The following ERC2 variants were observed in gnomAD, a reference collection of about 807,000 sequenced individuals.
The protein encoded by ERC2 is ELKS/RAB6-interacting/CAST family member 2.
ERC2 carries 42 observed loss-of-function variants against 114.8 expected under a neutral mutation model. The observed-to-expected ratio is 0.37, with a 90% CI of 0.29 to 0.47. The LOEUF is 0.47. Among genes scored for constraint, ERC2 ranks in the 20% least tolerant of loss-of-function variants. The pLI is 0.99. For missense variants in ERC2, 939 were observed against 1,150.7 expected, an observed-to-expected ratio of 0.82 and a Z score of 2.66; for synonymous variants, 454 against 425.5, an observed-to-expected ratio of 1.07 and a Z score of -0.82.
chr3:56,018,944 T>A lies in ERC2; in HGVS notation c.1729A>T (p.Ser577Cys). 1 of 1,613,404 alleles carries A rather than the reference T, an allele frequency of 6.2e-7. No homozygotes were observed. Among genetic ancestry groups the A allele is most frequent in the Non-Finnish European group, 8.5e-7 (1 of 1,179,532 alleles). The change falls in exon 8 of 18, where the codon AGT (serine) becomes TGT (cysteine). Residue 577 changes from serine to cysteine, a missense_variant. Around this residue, in one of 5 missense-constraint regions of ERC2, gnomAD observed 149 missense variants for 254.6 expected, o/e 0.59. Transcript: ENST00000288221. Reference sequence around the variant, plus strand: ...GTCGCCAGTGCAGTATCTGTATTACTGGAATCCGTCTGCAAGGACTTCACT... The same window carrying A: ...GTCGCCAGTGCAGTATCTGTATTACAGGAATCCGTCTGCAAGGACTTCACT... ...DRVKSLQTDSSNTDTALATLE... is the reference protein window; with the variant it reads ...DRVKSLQTDSCNTDTALATLE...
intron 17 of ERC2, among the ~76,000 whole-genome samples, chr3:55,668,194 G>A (rs1198692251): frequency 1.3e-5 from 2 of 152,106 alleles, no homozygotes; most frequent in Non-Finnish European, 2.9e-5. Flanking sequence ...CTCATCTGGG[G>A]AGAGACTTTG....
At chr3:56,174,745 C>T (rs1020192627) in intron 3 of ERC2, among the ~76,000 whole-genome samples, 2 of 151,990 alleles carry the variant, frequency 1.3e-5, no homozygotes, top group Non-Finnish European at 2.9e-5. Context: ...TTTGGGAGGC[C>T]GAGGTGGGTG....
At chr3:56,071,229 C>G (rs1448596537) in intron 7 of ERC2, among the ~76,000 whole-genome samples, 1 of 152,136 alleles carries the variant, frequency 6.6e-6, no homozygotes, top group Non-Finnish European at 1.5e-5. Context: ...AACAAACAGG[C>G]CAGAGTAGGG....
At chr3:56,294,981 G>A (rs540785569) in intron 3 of ERC2, among the ~76,000 whole-genome samples, 1 of 152,146 alleles carries the variant, frequency 6.6e-6, no homozygotes, top group Non-Finnish European at 1.5e-5. Context: ...CTATGTGCTA[G>A]GCAAATATAA....
At chr3:55,946,552 T>G (rs2067138933) in intron 13 of ERC2, among the ~76,000 whole-genome samples, 1 of 152,170 alleles carries the variant, frequency 6.6e-6, no homozygotes, top group African/African-American at 2.4e-5. Context: ...AGTCCACATA[T>G]GTCAGGTACT....
intron 13 of ERC2, among the ~76,000 whole-genome samples, chr3:55,889,199 T>A (rs1191339084): frequency 6.6e-6 from 1 of 152,194 alleles, no homozygotes; most frequent in Non-Finnish European, 1.5e-5. Context: ...TGAAAGAAAG[T>A]TAATCTATGT....
chr3:56,062,227 T>C (rs34038105), intron 7 of ERC2, among the ~76,000 whole-genome samples: 2,197 of 152,324 alleles, frequency 0.014, 52 homozygotes, highest in Non-Finnish European at 0.014. Flanking sequence ...AAAGAAGTAC[T>C]ATTGCTTTAG....
At chr3:55,670,840 T>G (rs1232807517) in intron 17 of ERC2, among the ~76,000 whole-genome samples, 2 of 152,180 alleles carry the variant, frequency 1.3e-5, no homozygotes, top group African/African-American at 4.8e-5. Context: ...GGGGGGGAAT[T>G]TTTTTAAAAC....
chr3:55,790,239 T>G (rs2069884674), intron 14 of ERC2, among the ~76,000 whole-genome samples: 1 of 152,180 alleles, frequency 6.6e-6, no homozygotes, highest in Admixed American at 6.6e-5. Flanking sequence ...TTATAGTTCC[T>G]TCTGCCTAGA....
In ERC2 at chr3:56,073,825, G is replaced by A. The variant is rs184950389; in HGVS notation, c.1641+6992C>T. On this transcript the variant is annotated intron_variant, in intron 7 of 17. Transcript: ENST00000288221. ...GGGAAACTACCAACAGAGCAAACACGTCAATCCTTTAAAAATGAAGCAGTA... is the reference window on the plus strand; with the variant it reads ...GGGAAACTACCAACAGAGCAAACACATCAATCCTTTAAAAATGAAGCAGTA... Among the ~76,000 whole-genome samples, 5 of 152,228 alleles carry A rather than the reference G, an allele frequency of 3.3e-5. No individual in the cohort carries two copies. The East Asian group carries it at 7.7e-4, about 24-fold the overall frequency.
At chr3:55,891,379 G>A (rs565659631) in intron 13 of ERC2, among the ~76,000 whole-genome samples, 1 of 151,542 alleles carries the variant, frequency 6.6e-6, no homozygotes, top group Admixed American at 6.6e-5. Flanking sequence ...CTCTGAGATT[G>A]GGGGTGGTAA....
chr3:55,910,678 T>C (rs138357300), intron 13 of ERC2, among the ~76,000 whole-genome samples: 7 of 152,312 alleles, frequency 4.6e-5, no homozygotes, highest in African/African-American at 1.7e-4. Flanking sequence ...TCGTCTGTAA[T>C]ACCATTTATT....
chr3:55,769,877 C>G (rs1256684599), intron 14 of ERC2, among the ~76,000 whole-genome samples: 1 of 152,158 alleles, frequency 6.6e-6, no homozygotes, highest in Non-Finnish European at 1.5e-5. Flanking sequence ...GCAGAAGGTT[C>G]TTGTGGCAGA....
At chr3:56,232,631 C>G (rs1351673016) in intron 3 of ERC2, among the ~76,000 whole-genome samples, 1 of 152,176 alleles carries the variant, frequency 6.6e-6, no homozygotes, top group Non-Finnish European at 1.5e-5. Flanking sequence ...AACCAGCAAC[C>G]CAAAGAAAAA....
At chr3:56,129,721 A>C (rs9812767) in intron 6 of ERC2, among the ~76,000 whole-genome samples, 138,756 of 152,212 alleles carry the variant, frequency 0.91, 63,722 homozygotes, top group East Asian at 1. Context: ...ATAGACAATG[A>C]CTTTTTCAAA....
intron 2 of ERC2, among the ~76,000 whole-genome samples, chr3:56,396,518 G>A (rs548487987): frequency 6.6e-6 from 1 of 152,220 alleles, no homozygotes; most frequent in Admixed American, 6.5e-5. Flanking sequence ...AAGATGTATT[G>A]TTCAACAAAA....
At chr3:55,665,138 T>A (rs544570477) in intron 17 of ERC2, among the ~76,000 whole-genome samples, 1 of 152,100 alleles carries the variant, frequency 6.6e-6, no homozygotes, top group Non-Finnish European at 1.5e-5. Context: ...AGAAGACACA[T>A]AATCAAGTAA....
chr3:55,690,193 C>T (rs2062565933), intron 16 of ERC2, among the ~76,000 whole-genome samples: 2 of 152,160 alleles, frequency 1.3e-5, no homozygotes, highest in South Asian at 2.1e-4. Context: ...CCTGCAATAA[C>T]AGACTTTGTG....
chr3:55,801,211 C>A (rs138646195), intron 14 of ERC2, among the ~76,000 whole-genome samples: 15 of 152,160 alleles, frequency 9.9e-5, no homozygotes, highest in Admixed American at 9.8e-4. Flanking sequence ...TGAACCAACA[C>A]CCATACAAAG....
Sources: gnomAD v4.1 joint callset for allele counts (sites outside exome capture counted in the v4.1 genomes callset) on GRCh38, gnomAD v4.1.1 for gene constraint, gnomAD v4.1.1 regional missense constraint, MANE v1.5 for transcripts, NCBI Gene and HGNC (gene_info 2026-07-23, HGNC 2026-07-21) for gene names.